DNAH5: variants seen among roughly 807,000 people sequenced by gnomAD.
DNAH5 encodes the protein dynein axonemal heavy chain 5.
A neutral mutation model predicts 518.2 loss-of-function variants in DNAH5; 372 were observed. The ratio of observed to expected loss-of-function variants is 0.72; its 90% CI spans 0.66 to 0.78. DNAH5 has a LOEUF of 0.78. Ranked by LOEUF, DNAH5 falls within the 30% of genes least tolerant of loss-of-function variation. The pLI is 0.00. For missense variants in DNAH5, 5,523 were observed against 5,687.0 expected (o/e 0.97, Z 0.93); for synonymous variants, 2,039 against 2,025.9 (o/e 1.01, Z -0.17).
intron 53 of DNAH5, among the ~76,000 whole-genome samples, chr5:13,778,534 A>G (rs959152893): frequency 1.5e-4 from 15 of 99,588 alleles, no homozygotes; most frequent in African/African-American, 5.2e-4. Flanking sequence ...AGTGAGAGAG[A>G]GAGAGAAGAA....
At chr5:13,967,116 C>T (rs1026658822) in intron 1 of DNAH5, among the ~76,000 whole-genome samples, 6 of 152,234 alleles carry the variant, frequency 3.9e-5, no homozygotes, top group African/African-American at 1.4e-4. Flanking sequence ...CCTGCCTCAG[C>T]CTCCCAAAGT....
chr5:13,774,715 C>T (rs924501846), intron 55 of DNAH5, among the ~76,000 whole-genome samples: 1 of 152,066 alleles, frequency 6.6e-6, no homozygotes, highest in African/African-American at 2.4e-5. Context: ...GTTTCTCTGC[C>T]CTCCATGTAA....
At chr5:13,829,737 T>A (rs745456327) in intron 37 of DNAH5, 33 bp from the exon 38 acceptor site, 1 of 1,585,552 alleles carries the variant, frequency 6.3e-7, no homozygotes, top group Non-Finnish European at 8.7e-7. Flanking sequence ...GGATGAATGA[T>A]GCAATCAAGC....
rs1246431556 is a variant in DNAH5 at position 13,868,034 on chromosome 5, G to A, written c.3835-42C>T. 5.0e-6 allele frequency: 7 copies of A among 1,401,158 alleles called. No individual in the cohort carries two copies. In the East Asian group the frequency reaches 1.6e-4, roughly 33 times the overall value. 86.8% of individuals were successfully genotyped at this position (1,401,158 alleles called of 1,614,324 possible). ...AAAACTTAATTTTGGCCAGTCAGATGCATAAATCTACACACAGCCATTTAT... is the reference window on the plus strand; with the variant it reads ...AAAACTTAATTTTGGCCAGTCAGATACATAAATCTACACACAGCCATTTAT... On this transcript the variant is annotated intron_variant, in intron 24 of 78. Transcript: ENST00000265104.
intron 47 of DNAH5, among the ~76,000 whole-genome samples, chr5:13,799,631 T>C (rs2126949775): frequency 6.6e-6 from 1 of 152,350 alleles, no homozygotes; most frequent in South Asian, 2.1e-4. Context: ...ATTCAATAGT[T>C]ACCTGAGTGT....
At chr5:13,836,237 C>T (rs745890997) in intron 35 of DNAH5, among the ~76,000 whole-genome samples, 1 of 152,174 alleles carries the variant, frequency 6.6e-6, no homozygotes, top group Non-Finnish European at 1.5e-5. Context: ...GTTAAATATA[C>T]TGTAAGCAAC....
At chr5:13,899,854 C>T in intron 15 of DNAH5, 1 of 271,466 alleles carries the variant, frequency 3.7e-6, no homozygotes, top group Non-Finnish European at 7.1e-6. Context: ...TGCAACACTT[C>T]ACAAACAGGC....
chr5:13,863,087 T>C (rs1167314090), intron 28 of DNAH5, among the ~76,000 whole-genome samples: 1 of 152,174 alleles, frequency 6.6e-6, no homozygotes, highest in Non-Finnish European at 1.5e-5. Flanking sequence ...TTCAATGTAT[T>C]TCTGATCTAC....
intron 38 of DNAH5, among the ~76,000 whole-genome samples, chr5:13,826,053 G>A (rs1762849682): frequency 1.3e-5 from 2 of 152,158 alleles, no homozygotes; most frequent in African/African-American, 2.4e-5. Context: ...GAATAAACTT[G>A]TATAAAAGTA....
chr5:13,936,938 T>G (rs7707173), intron 1 of DNAH5, among the ~76,000 whole-genome samples: 6,541 of 152,138 alleles, frequency 0.043, 180 homozygotes, highest in African/African-American at 0.067. Context: ...CCTCCTGAAG[T>G]GTATATTTTG....
intron 35 of DNAH5, among the ~76,000 whole-genome samples, chr5:13,831,172 G>A (rs994131): frequency 0.4 from 60,568 of 151,944 alleles, 12,283 homozygotes; most frequent in East Asian, 0.61. Context: ...GAAACAGATC[G>A]GGATCCTTTC....
At chr5:13,902,986 C>T (rs1413915969) in intron 12 of DNAH5, among the ~76,000 whole-genome samples, 1 of 152,094 alleles carries the variant, frequency 6.6e-6, no homozygotes, top group Non-Finnish European at 1.5e-5. Flanking sequence ...AGAAAATCAT[C>T]TTTGAGAGAG....
chr5:13,692,678 G>A (rs1439917792), intron 78 of DNAH5, among the ~76,000 whole-genome samples: 4 of 152,176 alleles, frequency 2.6e-5, no homozygotes, highest in Non-Finnish European at 2.9e-5. Context: ...TTGCTGGGAC[G>A]CAGAGAGTAA....
intron 1 of DNAH5, among the ~76,000 whole-genome samples, chr5:13,987,526 C>T (rs888929193): frequency 6.6e-6 from 1 of 152,148 alleles, no homozygotes; most frequent in Admixed American, 6.5e-5. Context: ...GGCCTCACCA[C>T]CTCTCAAATA....
intron 29 of DNAH5, among the ~76,000 whole-genome samples, chr5:13,861,335 C>G (rs532266945): frequency 6.6e-6 from 1 of 152,266 alleles, no homozygotes; most frequent in South Asian, 2.1e-4. Flanking sequence ...CCCAATATTA[C>G]TTTAGTGTAA....
chr5:13,707,997 A>AG lies in DNAH5; in HGVS notation c.13338+125dup, dbSNP rs1743021764. ...CTATGGTCTAAAAATACAGGGCTACAGGGGGCTTCGTCCCTGTGCAAAAGA... is the reference window on the plus strand; with the variant it reads ...CTATGGTCTAAAAATACAGGGCTACAGGGGGGCTTCGTCCCTGTGCAAAAGA... On this transcript the variant is annotated intron_variant, in intron 76 of 78. Coordinates refer to ENST00000265104, the MANE Select transcript of DNAH5 (RefSeq NM_001369.3). This position sits in a 1 kb window ranked among gnomAD's most constrained non-coding sequence, Gnocchi z 4.0. 2 of 1,133,626 alleles carry AG rather than the reference A, an allele frequency of 1.8e-6. No individual in the cohort carries two copies. Among genetic ancestry groups the AG allele is most frequent in the Admixed American group, 1.7e-5 (1 of 57,480 alleles). The allele number at this position is 1,133,626 out of a possible 1,614,324, so 70.2% of individuals were successfully genotyped here.
chr5:13,982,707 T>C (rs559428088), intron 1 of DNAH5, among the ~76,000 whole-genome samples: 1 of 151,154 alleles, frequency 6.6e-6, no homozygotes, highest in African/African-American at 2.5e-5. Context: ...TGAGTAGACA[T>C]ATGCACTATT....
At chr5:13,845,023 A>G (rs754389105) in intron 31 of DNAH5, 30 bp from the exon 32 acceptor site, 1 of 1,608,242 alleles carries the variant, frequency 6.2e-7, no homozygotes, top group Non-Finnish European at 8.5e-7. Context: ...ATAAACCTTT[A>G]TAACCACACA....
intron 3 of DNAH5, among the ~76,000 whole-genome samples, chr5:13,926,320 G>T (rs531120642): frequency 9.8e-5 from 15 of 152,344 alleles, no homozygotes; most frequent in Admixed American, 2.0e-4. Context: ...AGCAAGGTAA[G>T]AGTGCAAGGT....
Sources: allele counts gnomAD v4.1 joint callset (sites outside exome capture counted in the v4.1 genomes callset), GRCh38; gene constraint gnomAD v4.1.1; non-coding constraint Gnocchi (gnomAD v3.1); transcripts MANE v1.5; gene names NCBI Gene and HGNC (gene_info 2026-07-23, HGNC 2026-07-21).